NUP50: variants seen among roughly 807,000 people sequenced by gnomAD.
NUP50 encodes the protein nuclear pore complex protein Nup50.
In NUP50, 14 loss-of-function variants were observed where a neutral mutation model predicts 36.8. That is an observed-to-expected ratio of 0.38 (90% CI 0.25 to 0.59). NUP50 has a LOEUF of 0.59. Ranked by LOEUF, NUP50 falls within the 20% of genes least tolerant of loss-of-function variation. The pLI, the probability that NUP50 is intolerant of heterozygous loss-of-function variation, is 0.63. For missense variants in NUP50, 455 were observed against 564.6 expected (o/e 0.81, Z 1.97); for synonymous variants, 195 against 210.8 (o/e 0.93, Z 0.65).
rs761576046 is a variant in NUP50, at chr22:45,176,018, A to G, written c.278A>G (p.Asn93Ser). 15 of 1,614,066 alleles carry G rather than the reference A, an allele frequency of 9.3e-6. No individual in the cohort carries two copies. Among genetic ancestry groups the G allele is most frequent in the East Asian group, 2.2e-5 (1 of 44,900 alleles). ...TTGGAAGGACTGTCGAATGGAAACA[A>G]CATAACCAGTGCCCCTCCCTTCGCC... ...KPLEGLSNGN[N>S]ITSAPPFASA... Residue 93 changes from asparagine to serine, a missense_variant, in exon 4 of 8, where the codon AAC becomes AGC. Physicochemically the swap from Asn to Ser is conservative, Grantham distance 46. Around this residue, in one of 3 missense-constraint regions of NUP50, gnomAD observed 166 missense variants for 202.8 expected, o/e 0.82. Coordinates refer to ENST00000347635, the MANE Select transcript of NUP50 (RefSeq NM_007172.4).
In NUP50 at chr22:45,171,622, G is replaced by T; in HGVS notation, c.92G>T (p.Ser31Ile). The change falls in exon 3 of 8, where the codon AGT becomes ATT. Residue 31 changes from serine to isoleucine, a missense_variant. This residue lies in a region of NUP50 where 166 missense variants were observed against 202.8 expected (regional missense o/e 0.82). Coordinates refer to ENST00000347635, the MANE Select transcript of NUP50 (RefSeq NM_007172.4). Reference protein sequence around the residue: ...AEEVGTFSMASEEVLKNRAIK... With the variant: ...AEEVGTFSMAIEEVLKNRAIK... Reference sequence around the variant, plus strand: ...CAGGTGGGAACATTCTCCATGGCCAGTGAGGAAGTCTTGAAGAATAGAGCC... The same window carrying T: ...CAGGTGGGAACATTCTCCATGGCCATTGAGGAAGTCTTGAAGAATAGAGCC... 1 of 1,614,146 alleles carries T rather than the reference G, an allele frequency of 6.2e-7. No homozygotes were observed. The highest frequency in any genetic ancestry group is 8.5e-7 in the Non-Finnish European group (1 of 1,180,000).
intron 6 of NUP50, among the ~76,000 whole-genome samples, chr22:45,181,571 C>G (rs901235267): frequency 3.5e-5 from 5 of 143,820 alleles, no homozygotes; most frequent in Admixed American, 7.1e-5. Context: ...AGGTCTCACT[C>G]TTTTCTGTCA....
At chr22:45,181,758 A>C (rs1260364542) in intron 6 of NUP50, among the ~76,000 whole-genome samples, 3 of 152,128 alleles carry the variant, frequency 2.0e-5, no homozygotes, top group Non-Finnish European at 4.4e-5. Context: ...CTCAGAAGGC[A>C]TCTCTCATCC....
chr22:45,164,001 T>A lies in NUP50; in HGVS notation c.-306T>A, dbSNP rs1011449153. ...TTTCGAATTGGTTTTGGGGGTAGAT[T>A]CGAGTTACAAAATGGCCGCCCGGAG... is the stretch of plus-strand genomic sequence containing the variant. On this transcript the variant is annotated 5_prime_UTR_variant, in exon 1 of 8. Transcript: ENST00000347635. 6.6e-6 allele frequency: 1 copy of A among 152,160 alleles called. No individual in the cohort carries two copies. Among genetic ancestry groups the A allele is most frequent in the African/African-American group, 2.4e-5 (1 of 41,436 alleles). 9.4% of individuals were successfully genotyped at this position (152,160 alleles called of 1,614,324 possible).
Position 45,185,874 on chromosome 22 carries a change from A to AGG in NUP50, c.*1219_*1220insGG, listed in dbSNP as rs1432333734. The AGG allele has an allele frequency of 6.6e-6, 1 of 152,080 alleles. No homozygotes were observed. The highest frequency in any genetic ancestry group is 1.5e-5 in the Non-Finnish European group (1 of 68,032). 9.4% of individuals were successfully genotyped at this position (152,080 alleles called of 1,614,324 possible). On this transcript the variant is annotated 3_prime_UTR_variant, in exon 8 of 8. Transcript: ENST00000347635. ...ATGTTTAAATTTCCACTGAGTCCTC[A>AGG]TGAATCATTTGAGACTAGTACCAGC...
At chr22:45,180,853 A>AAG (rs1340340548) in intron 5 of NUP50, among the ~76,000 whole-genome samples, 1 of 151,960 alleles carries the variant, frequency 6.6e-6, no homozygotes, top group Non-Finnish European at 1.5e-5. Flanking sequence ...AAAAAAAAAA[A>AAG]AAGTATTTTT....
chr22:45,167,769 AT>A, intron 1 of NUP50, among the ~76,000 whole-genome samples: 1 of 152,170 alleles, frequency 6.6e-6, no homozygotes, highest in East Asian at 1.9e-4. Context: ...TATTAAAATT[AT>A]TTTCTTTATG....
In NUP50 at chr22:45,187,222, A is replaced by C. The variant is rs1036449740; in HGVS notation, c.*2567A>C. The C allele has an allele frequency of 6.9e-6, 1 of 144,164 alleles. No individual in the cohort carries two copies. The highest frequency in any genetic ancestry group is 2.6e-5 in the African/African-American group (1 of 38,730). The allele number at this position is 144,164 out of a possible 1,614,324, so 8.9% of individuals were successfully genotyped here. Reference sequence around the variant, plus strand: ...CCATCTCATCCTTTTGCGCATTCCTAGTAAGCAAAAAAATTTGTTATGCCA... The same window carrying C: ...CCATCTCATCCTTTTGCGCATTCCTCGTAAGCAAAAAAATTTGTTATGCCA... On this transcript the variant is annotated 3_prime_UTR_variant, in exon 8 of 8. Transcript: ENST00000347635.
At chr22:45,166,017 A>T (rs2074088864) in intron 1 of NUP50, 1 of 152,200 alleles carries the variant, frequency 6.6e-6, no homozygotes, top group African/African-American at 2.4e-5. Flanking sequence ...ATCTAATGAC[A>T]GACAGGACAC....
chr22:45,169,619 G>A (rs924169356), intron 2 of NUP50, among the ~76,000 whole-genome samples: 2 of 152,100 alleles, frequency 1.3e-5, no homozygotes, highest in Non-Finnish European at 2.9e-5. Flanking sequence ...AGGAATAACC[G>A]GCAGATACAG....
At chr22:45,173,140 G>A (rs1416645236) in intron 3 of NUP50, among the ~76,000 whole-genome samples, 1 of 152,166 alleles carries the variant, frequency 6.6e-6, no homozygotes, top group East Asian at 1.9e-4. Context: ...AAGGAAGTAG[G>A]TACAGAGGAA....
chr22:45,180,427 G>A (rs1042724590), intron 5 of NUP50: 1 of 152,230 alleles, frequency 6.6e-6, no homozygotes, highest in African/African-American at 2.4e-5. Context: ...GGCTAGTAGT[G>A]CAGTGACGCA....
At chr22:45,169,294 C>T (rs1032014867) in intron 2 of NUP50, among the ~76,000 whole-genome samples, 14 of 152,116 alleles carry the variant, frequency 9.2e-5, no homozygotes, top group Non-Finnish European at 1.9e-4. Flanking sequence ...TGCTTGAGCC[C>T]AGGAGTTCAA....
At chr22:45,174,222 G>C (rs1211844166) in intron 3 of NUP50, among the ~76,000 whole-genome samples, 1 of 150,962 alleles carries the variant, frequency 6.6e-6, no homozygotes, top group African/African-American at 2.5e-5. Flanking sequence ...TTGTCGCCCA[G>C]GGTGGAGTGC....
At chr22:45,165,008 T>G (rs547749024) in intron 1 of NUP50, 7 of 152,320 alleles carry the variant, frequency 4.6e-5, no homozygotes, top group African/African-American at 1.7e-4. Flanking sequence ...AACAAGGCAC[T>G]TCACTATTAA....
chr22:45,169,144 C>G (rs2074144061), intron 2 of NUP50, among the ~76,000 whole-genome samples: 1 of 152,178 alleles, frequency 6.6e-6, no homozygotes, highest in African/African-American at 2.4e-5. Context: ...TCAAGTGATC[C>G]ACCCGCCTTG....
At position 45,186,620 on chromosome 22, in the gene NUP50, T is replaced by C. The variant is rs186639298; in HGVS notation, c.*1965T>C. The C allele has an allele frequency of 2.0e-5, 3 of 152,772 alleles. 1 individual carries two copies. Among genetic ancestry groups the C allele is most frequent in the Admixed American group, 6.5e-5 (1 of 15,308 alleles). The allele number at this position is 152,772 out of a possible 1,614,324, so 9.5% of individuals were successfully genotyped here. A position where few individuals can be genotyped will look rare whatever the true frequency, so the allele number is the denominator to read the frequency against. On this transcript the variant is annotated 3_prime_UTR_variant, in exon 8 of 8. Transcript: ENST00000347635. ...GAAAAGATCATGATTGGATTTTCTT[T>C]TAAACCTGCCCTTCTGTAAAAAATA...
intron 3 of NUP50, among the ~76,000 whole-genome samples, chr22:45,174,183 CTTTTTTTT>C (rs132886): frequency 7.2e-6 from 1 of 137,936 alleles, no homozygotes; most frequent in Non-Finnish European, 1.6e-5. Context: ...GGTATTTTCC[CTTTTTTTT>C]TTTTTTTTGA....
chr22:45,181,913 G>GA (rs2074379693), intron 6 of NUP50, among the ~76,000 whole-genome samples: 1 of 152,146 alleles, frequency 6.6e-6, no homozygotes, highest in African/African-American at 2.4e-5. Context: ...GATATTTGCT[G>GA]AAAAAACATC....
Sources: allele counts gnomAD v4.1 joint callset (sites outside exome capture counted in the v4.1 genomes callset), GRCh38; gene constraint gnomAD v4.1.1; regional missense constraint gnomAD v4.1.1; transcripts MANE v1.5; gene names NCBI Gene and HGNC (gene_info 2026-07-23, HGNC 2026-07-21).